The following R3HDM1 variants were observed in gnomAD, a reference collection of about 807,000 sequenced individuals.
The protein encoded by R3HDM1 is R3H domain containing 1, also known as R3H domain-containing protein 1.
R3HDM1 carries 46 observed loss-of-function variants against 141.1 expected under a neutral mutation model. The ratio of observed to expected loss-of-function variants is 0.33; its 90% CI spans 0.26 to 0.42. The LOEUF (loss-of-function observed/expected upper bound fraction) is 0.42, where lower values mean the gene tolerates loss of function less well. Among genes scored for constraint, R3HDM1 ranks in the 10% least tolerant of loss-of-function variants. The pLI is 1.00. For missense variants in R3HDM1, 1,184 were observed against 1,368.3 expected (o/e 0.87, Z 2.12); for synonymous variants, 435 against 472.9 (o/e 0.92, Z 1.04).
At chr2:135,587,561 T>G (rs1053195723) in intron 1 of R3HDM1, among the ~76,000 whole-genome samples, 3 of 152,166 alleles carry the variant, frequency 2.0e-5, no homozygotes, top group African/African-American at 7.2e-5. Context: ...TTATTAAAAT[T>G]AGGGTCTTCT....
chr2:135,578,574 A>G lies in R3HDM1; in HGVS notation c.-249-23926A>G, dbSNP rs896211845. On this transcript the variant is annotated intron_variant, in intron 1 of 26. Coordinates refer to ENST00000683871, the MANE Select transcript of R3HDM1 (RefSeq NM_001378107.1). ...AGAAAGGAGCCCAAAATGTAATGCAAGCACTAACAGATGAACAATATTAAC... is the reference window on the plus strand; with the variant it reads ...AGAAAGGAGCCCAAAATGTAATGCAGGCACTAACAGATGAACAATATTAAC... 5.9e-5 allele frequency among the ~76,000 whole-genome samples: 9 copies of G among 152,234 alleles called. 1 individual carries two copies. The highest frequency in any genetic ancestry group is 2.2e-4 in the African/African-American group (9 of 41,458).
At chr2:135,676,717 A>G (rs916132883) in intron 20 of R3HDM1, among the ~76,000 whole-genome samples, 2 of 152,218 alleles carry the variant, frequency 1.3e-5, no homozygotes, top group Non-Finnish European at 2.9e-5. Flanking sequence ...AGGCTGAGGC[A>G]GGAGAATCAC....
intron 1 of R3HDM1, among the ~76,000 whole-genome samples, chr2:135,542,551 T>C (rs141820145): frequency 4.6e-5 from 7 of 152,364 alleles, no homozygotes; most frequent in African/African-American, 1.7e-4. Flanking sequence ...TCTGTATTTT[T>C]CATTGTCCAG....
Position 135,680,339 on chromosome 2 carries a change from G to C in R3HDM1, c.2459+15G>C. On this transcript the variant is annotated intron_variant, in intron 21 of 26. Coordinates refer to ENST00000683871, the MANE Select transcript of R3HDM1 (RefSeq NM_001378107.1). ...AACAATTTAAGGTGAGTATGACTGAGTAACCTAATCTTCCAGCTTCTCATT... is the reference window on the plus strand; with the variant it reads ...AACAATTTAAGGTGAGTATGACTGACTAACCTAATCTTCCAGCTTCTCATT... The C allele has an allele frequency of 6.2e-7, 1 of 1,612,106 alleles. No individual in the cohort carries two copies. Among genetic ancestry groups the C allele is most frequent in the South Asian group, 1.1e-5 (1 of 90,880 alleles).
intron 24 of R3HDM1, among the ~76,000 whole-genome samples, chr2:135,719,145 C>T (rs768532273): frequency 2.0e-5 from 3 of 151,226 alleles, no homozygotes; most frequent in African/African-American, 4.9e-5. Context: ...AAGACTCCAT[C>T]GCTAAATAAA....
intron 1 of R3HDM1, among the ~76,000 whole-genome samples, chr2:135,564,315 C>A (rs901578236): frequency 6.6e-6 from 1 of 152,074 alleles, no homozygotes; most frequent in African/African-American, 2.4e-5. Context: ...AGAAAAATTT[C>A]CTTTTTTTGT....
At chr2:135,700,833 T>C (rs2074091451) in intron 21 of R3HDM1, among the ~76,000 whole-genome samples, 1 of 152,178 alleles carries the variant, frequency 6.6e-6, no homozygotes, top group Non-Finnish European at 1.5e-5. Context: ...TTGTGGGTGA[T>C]TTCATACAAC....
At chr2:135,605,210 T>C in intron 3 of R3HDM1, 194 bp downstream of exon 3, 1 of 393,932 alleles carries the variant, frequency 2.5e-6, no homozygotes, top group East Asian at 4.6e-5. Context: ...TGTAATATAC[T>C]TCTTTTTATT....
chr2:135,618,101 T>G (rs1470018491), intron 5 of R3HDM1, among the ~76,000 whole-genome samples: 1 of 152,168 alleles, frequency 6.6e-6, no homozygotes, highest in Non-Finnish European at 1.5e-5. Flanking sequence ...GAAATGTACT[T>G]AAAAATCTGT....
intron 23 of R3HDM1, among the ~76,000 whole-genome samples, 190 bp from the exon 24 acceptor site, chr2:135,715,360 A>G (rs2105452498): frequency 6.6e-6 from 1 of 152,230 alleles, no homozygotes; most frequent in East Asian, 1.9e-4. Context: ...CAACAGAGTG[A>G]GACTCCGTCT....
intron 19 of R3HDM1, among the ~76,000 whole-genome samples, chr2:135,674,441 C>T (rs2068835838): frequency 6.6e-6 from 1 of 151,988 alleles, no homozygotes; most frequent in Non-Finnish European, 1.5e-5. Context: ...TTATCTAGTT[C>T]TTTAAAAAAT....
chr2:135,705,712 T>A (rs770779224), intron 21 of R3HDM1, among the ~76,000 whole-genome samples: 1 of 151,066 alleles, frequency 6.6e-6, no homozygotes, highest in Non-Finnish European at 1.5e-5. Context: ...ATATTTGTCA[T>A]TTTTTTTATC....
chr2:135,598,281 A>G (rs2059357946), intron 1 of R3HDM1, among the ~76,000 whole-genome samples: 1 of 152,216 alleles, frequency 6.6e-6, no homozygotes, highest in African/African-American at 2.4e-5. Flanking sequence ...AAATGGTTAT[A>G]TAATTCCTGG....
chr2:135,562,926 C>T (rs1336265146), intron 1 of R3HDM1, among the ~76,000 whole-genome samples: 1 of 152,076 alleles, frequency 6.6e-6, no homozygotes, highest in Non-Finnish European at 1.5e-5. Context: ...TTACTGTTTG[C>T]TGTCAGGTTG....
chr2:135,534,085 GCA>G (rs949112477), intron 1 of R3HDM1: 3 of 949,598 alleles, frequency 3.2e-6, no homozygotes, highest in Admixed American at 6.2e-5. Context: ...AGTGACTTAA[GCA>G]CAGTTTGCGA....
chr2:135,641,421 A>G lies in R3HDM1; in HGVS notation c.1220-115A>G, dbSNP rs1193995231. 8.2e-6 allele frequency: 10 copies of G among 1,219,398 alleles called. No homozygotes were observed. The South Asian group carries it at 1.1e-4, about 13-fold the overall frequency. 75.5% of individuals were successfully genotyped at this position (1,219,398 alleles called of 1,614,324 possible). On this transcript the variant is annotated intron_variant, in intron 14 of 26. Coordinates refer to ENST00000683871, the MANE Select transcript of R3HDM1 (RefSeq NM_001378107.1). ...GTGGACAGTAAATTAAAAAGAGCCA[A>G]TGCTTTTATGTAGTAACTGCATGTT...
chr2:135,640,639 A>T (rs2063704068), intron 14 of R3HDM1, among the ~76,000 whole-genome samples: 1 of 152,220 alleles, frequency 6.6e-6, no homozygotes, highest in African/African-American at 2.4e-5. Flanking sequence ...GCTGTCCTTC[A>T]GAAGGCAATC....
intron 16 of R3HDM1, 57 bp downstream of exon 16, chr2:135,645,584 C>G: frequency 1.3e-6 from 2 of 1,543,724 alleles, no homozygotes; most frequent in Non-Finnish European, 1.8e-6. Context: ...ATATTTGGGA[C>G]TAAATTCGCT....
intron 14 of R3HDM1, among the ~76,000 whole-genome samples, chr2:135,640,904 T>G (rs1350722064): frequency 1.3e-5 from 2 of 152,168 alleles, no homozygotes; most frequent in Admixed American, 1.3e-4. Flanking sequence ...AGAAATAAAT[T>G]TTAAGTTAAC....
Sources: gnomAD v4.1 joint callset for allele counts (sites outside exome capture counted in the v4.1 genomes callset) on GRCh38, gnomAD v4.1.1 for gene constraint, MANE v1.5 for transcripts, NCBI Gene and HGNC (gene_info 2026-07-23, HGNC 2026-07-21) for gene names.